ANKRD30B: variants seen among roughly 807,000 people sequenced by gnomAD.
ANKRD30B encodes the protein ankyrin repeat domain-containing protein 30B.
A neutral mutation model predicts 202.2 loss-of-function variants in ANKRD30B; 144 were observed. That is an observed-to-expected ratio of 0.71 (90% CI 0.62 to 0.82). The LOEUF (loss-of-function observed/expected upper bound fraction) is 0.82, where lower values mean the gene tolerates loss of function less well. Among genes scored for constraint, ANKRD30B ranks in the 40% least tolerant of loss-of-function variants. The pLI is 0.00. For missense variants in ANKRD30B, 1,487 were observed against 1,669.1 expected, an observed-to-expected ratio of 0.89 and a Z score of 1.90; for synonymous variants, 508 against 561.3, an observed-to-expected ratio of 0.91 and a Z score of 1.34.
chr18:14,936,736 T>C, the ANKRD30B span, among the ~76,000 whole-genome samples: 1 of 152,194 alleles, frequency 6.6e-6, no homozygotes, highest in Non-Finnish European at 1.5e-5. Flanking sequence ...GAAAGCCTAC[T>C]GCTCTAGGGG....
intron 39 of ANKRD30B, among the ~76,000 whole-genome samples, chr18:14,847,334 C>A (rs1371149557): frequency 1.3e-5 from 2 of 151,008 alleles, no homozygotes; most frequent in Non-Finnish European, 3.0e-5. Context: ...TCACTTCCAG[C>A]CAGATACCAG....
the ANKRD30B span, among the ~76,000 whole-genome samples, chr18:14,925,462 G>A: frequency 6.6e-6 from 1 of 152,238 alleles, no homozygotes; most frequent in Non-Finnish European, 1.5e-5. Context: ...TGGCCTGCCA[G>A]AGAATGTCCA....
chr18:14,750,905 A>G (rs1264324877), intron 1 of ANKRD30B, among the ~76,000 whole-genome samples: 2 of 152,108 alleles, frequency 1.3e-5, no homozygotes, highest in Non-Finnish European at 2.9e-5. Context: ...TTGTTTTAAT[A>G]TAAAATGTTT....
Position 14,763,740 on chromosome 18 carries a change from C to T in ANKRD30B, c.875C>T (p.Pro292Leu). The T allele has an allele frequency of 6.2e-7, 1 of 1,614,014 alleles. No homozygotes were observed. The highest frequency in any genetic ancestry group is 2.2e-5 in the East Asian group (1 of 44,866). ...DEAAPLAERT[P>L]DTAESLLEKT... ...GCTGCACCCTTGGCGGAAAGAACAC[C>T]TGACACGGCTGAAAGCTTGCTGGAA... The change falls in exon 7 of 44, where the codon CCT becomes CTT. Residue 292 changes from proline to leucine, a missense_variant. By Grantham distance (98) the Pro-to-Leu change is moderately conservative. Around this residue, in one of 6 missense-constraint regions of ANKRD30B, gnomAD observed 889 missense variants for 841.4 expected, o/e 1.06. Transcript: ENST00000690538.
chr18:14,897,030 G>A, the ANKRD30B span, among the ~76,000 whole-genome samples: 1 of 150,988 alleles, frequency 6.6e-6, no homozygotes, highest in Non-Finnish European at 1.5e-5. Context: ...AAGGGAGGAT[G>A]TGAGGAATAG....
chr18:14,830,123 A>T (rs1218393437), intron 33 of ANKRD30B: 1 of 154,730 alleles, frequency 6.5e-6, no homozygotes, highest in African/African-American at 2.4e-5. Context: ...ATCTGTGCTT[A>T]GATGAGCTAA....
chr18:14,797,019 G>T (rs1190857759), intron 18 of ANKRD30B, among the ~76,000 whole-genome samples: 1 of 152,178 alleles, frequency 6.6e-6, no homozygotes, highest in Admixed American at 6.6e-5. Flanking sequence ...TGATTAGCAA[G>T]ATATTAATCA....
intron 7 of ANKRD30B, among the ~76,000 whole-genome samples, chr18:14,768,798 T>C (rs1235257978): frequency 6.6e-6 from 1 of 152,208 alleles, no homozygotes; most frequent in African/African-American, 2.4e-5. Flanking sequence ...CTTTCTAAGG[T>C]TGACACTGTC....
chr18:14,922,319 A>G, the ANKRD30B span, among the ~76,000 whole-genome samples: 79,988 of 151,888 alleles, frequency 0.53, 21,404 homozygotes, highest in African/African-American at 0.6. Context: ...TGCAAGCTTC[A>G]CACCATGGGC....
chr18:14,868,347 C>T, the ANKRD30B span, among the ~76,000 whole-genome samples: 1 of 152,400 alleles, frequency 6.6e-6, no homozygotes, highest in African/African-American at 2.4e-5. Flanking sequence ...AGGGTGCCCT[C>T]CTTCTGCTGG....
At chr18:14,935,587 T>G in the ANKRD30B span, among the ~76,000 whole-genome samples, 1 of 152,208 alleles carries the variant, frequency 6.6e-6, no homozygotes, top group African/African-American at 2.4e-5. Flanking sequence ...TGGTCACCTA[T>G]TTTTCTTCTT....
At chr18:14,769,679 G>A (rs1916794224) in intron 8 of ANKRD30B, among the ~76,000 whole-genome samples, 1 of 152,154 alleles carries the variant, frequency 6.6e-6, no homozygotes, top group South Asian at 2.1e-4. Flanking sequence ...TTCTCCCTCA[G>A]CATAGATTGA....
At chr18:14,821,524 C>A (rs1970422207) in intron 30 of ANKRD30B, among the ~76,000 whole-genome samples, 1 of 152,188 alleles carries the variant, frequency 6.6e-6, no homozygotes, top group South Asian at 2.1e-4. Flanking sequence ...GTGGCACGAT[C>A]TTGACTCACT....
intron 7 of ANKRD30B, among the ~76,000 whole-genome samples, chr18:14,764,857 C>A (rs1915855608): frequency 6.6e-6 from 1 of 152,214 alleles, no homozygotes; most frequent in East Asian, 1.9e-4. Flanking sequence ...CTGGATTATA[C>A]CACATGCTCA....
At chr18:14,905,053 G>T in the ANKRD30B span, among the ~76,000 whole-genome samples, 47 of 152,294 alleles carry the variant, frequency 3.1e-4, no homozygotes, top group African/African-American at 1.1e-3. Context: ...GTGATTTCTG[G>T]TCTTCTTCAC....
intron 35 of ANKRD30B, 91 bp downstream of exon 35, chr18:14,837,380 T>C: frequency 8.6e-7 from 1 of 1,158,322 alleles, no homozygotes; most frequent in Non-Finnish European, 1.2e-6. Context: ...AATGCTGTTA[T>C]ATAGAAAACA....
chr18:14,890,807 G>A, the ANKRD30B span, among the ~76,000 whole-genome samples: 1 of 149,556 alleles, frequency 6.7e-6, no homozygotes, highest in Non-Finnish European at 1.5e-5. Context: ...TACATGAAAA[G>A]ACCATTTAAA....
the ANKRD30B span, among the ~76,000 whole-genome samples, chr18:14,921,803 A>C: frequency 6.6e-6 from 1 of 152,182 alleles, no homozygotes; most frequent in South Asian, 2.1e-4. Context: ...CCTATTTCTC[A>C]CCACGTGGCC....
intron 15 of ANKRD30B, among the ~76,000 whole-genome samples, chr18:14,788,025 C>A (rs1175315904): frequency 6.6e-6 from 1 of 151,956 alleles, no homozygotes; most frequent in African/African-American, 2.4e-5. Context: ...ATTTTAAGCC[C>A]CTGTTTACCG....
Sources: allele counts gnomAD v4.1 joint callset (sites outside exome capture counted in the v4.1 genomes callset), GRCh38; gene constraint gnomAD v4.1.1; regional missense constraint gnomAD v4.1.1; transcripts MANE v1.5; gene names NCBI Gene and HGNC (gene_info 2026-07-23, HGNC 2026-07-21).